TGFA: variants seen among roughly 807,000 people sequenced by gnomAD.
TGFA encodes the protein protransforming growth factor alpha.
TGFA carries 12 observed loss-of-function variants against 21.7 expected under a neutral mutation model. The observed-to-expected ratio is 0.55, with a 90% CI of 0.35 to 0.90. TGFA has a LOEUF of 0.90. Among genes scored for constraint, TGFA ranks in the 40% least tolerant of loss-of-function variants. TGFA has a pLI of 0.01. For synonymous variants in TGFA, 79 were observed against 88.1 expected, an observed-to-expected ratio of 0.90 and a Z score of 0.58; for missense variants, 178 against 210.8, an observed-to-expected ratio of 0.84 and a Z score of 0.96.
At chr2:70,518,563 G>A (rs1285150416) in intron 1 of TGFA, among the ~76,000 whole-genome samples, 4 of 152,176 alleles carry the variant, frequency 2.6e-5, no homozygotes, top group Non-Finnish European at 4.4e-5. Flanking sequence ...TGTGTCAATG[G>A]GAAATGCTCT....
Position 70,456,494 on chromosome 2 carries a change from G to A in TGFA, c.216-6C>T, listed in dbSNP as rs1553490582. ...CAACGTACCCAGAATGGCAGCTGGG[G>A]AAGAAAGGAACGTCAGTGCACTCTC... On this transcript the variant is annotated splice_polypyrimidine_tract_variant and splice_region_variant and intron_variant, in intron 3 of 5. Coordinates refer to ENST00000295400, the MANE Select transcript of TGFA (RefSeq NM_003236.4). The A allele has an allele frequency of 1.2e-6, 2 of 1,601,948 alleles. No homozygotes were observed. The highest frequency in any genetic ancestry group is 2.3e-5 in the East Asian group (1 of 44,144).
chr2:70,529,599 C>CAA (rs1672754593), intron 1 of TGFA, among the ~76,000 whole-genome samples: 1 of 151,454 alleles, frequency 6.6e-6, no homozygotes, highest in South Asian at 2.1e-4. Flanking sequence ...CCCCCCGCCC[C>CAA]AGTCCTAGAA....
At chr2:70,501,012 C>G (rs552855743) in intron 2 of TGFA, among the ~76,000 whole-genome samples, 2 of 150,062 alleles carry the variant, frequency 1.3e-5, no homozygotes, top group Non-Finnish European at 3.0e-5. Flanking sequence ...TTATGGAGCT[C>G]TTTCTCTGTT....
chr2:70,486,510 C>T (rs1671275146), intron 2 of TGFA, among the ~76,000 whole-genome samples: 1 of 152,052 alleles, frequency 6.6e-6, no homozygotes, highest in Admixed American at 6.5e-5. Context: ...CAGGGTCTCA[C>T]TTTGTTGTTC....
At chr2:70,476,385 T>C (rs1574084942) in intron 2 of TGFA, among the ~76,000 whole-genome samples, 1 of 152,360 alleles carries the variant, frequency 6.6e-6, no homozygotes, top group East Asian at 1.9e-4. Context: ...CTCTGGGAAC[T>C]GGAGCCCAGT....
chr2:70,459,472 A>G lies in TGFA; in HGVS notation c.216-2984T>C, dbSNP rs1007489773. On this transcript the variant is annotated intron_variant, in intron 3 of 5. Coordinates refer to ENST00000295400, the MANE Select transcript of TGFA (RefSeq NM_003236.4). ...AGGCTACCTTTCTGGGTTAATGCAG[A>G]CTGGTTTGGAAGATACCCTGGGCTA... Among the ~76,000 whole-genome samples the G allele has an allele frequency of 2.0e-5, 3 of 152,202 alleles. No individual in the cohort carries two copies. The South Asian group carries it at 6.2e-4, about 32-fold the overall frequency.
At chr2:70,492,815 A>T (rs1163831280) in intron 2 of TGFA, among the ~76,000 whole-genome samples, 1 of 152,134 alleles carries the variant, frequency 6.6e-6, no homozygotes, top group East Asian at 1.9e-4. Context: ...TTAATCACCA[A>T]TTGTGCTTCA....
chr2:70,503,025 A>C (rs183355420), intron 2 of TGFA, among the ~76,000 whole-genome samples: 6 of 152,314 alleles, frequency 3.9e-5, no homozygotes, highest in Admixed American at 6.5e-5. Context: ...GGAATTCCTC[A>C]GGGATCTAGA....
intron 1 of TGFA, among the ~76,000 whole-genome samples, chr2:70,519,911 T>C (rs142458141): frequency 0.01 from 1,529 of 152,358 alleles, 22 homozygotes; most frequent in South Asian, 0.028. Flanking sequence ...CCATCAGGCC[T>C]GGGTGCAAAT....
intron 2 of TGFA, 99 bp from the exon 3 acceptor site, chr2:70,465,835 G>A: frequency 1.3e-6 from 2 of 1,536,850 alleles, no homozygotes; most frequent in South Asian, 2.5e-5. Context: ...GCCCCTGATG[G>A]CTGGGACTTT....
intron 3 of TGFA, among the ~76,000 whole-genome samples, chr2:70,464,582 C>T (rs1023988803): frequency 2.0e-5 from 3 of 152,166 alleles, no homozygotes; most frequent in Admixed American, 2.0e-4. Flanking sequence ...CGCTGACTTC[C>T]TTCAGTATAC....
intron 3 of TGFA, 64 bp downstream of exon 3, chr2:70,465,552 C>T: frequency 6.3e-7 from 1 of 1,599,292 alleles, no homozygotes; most frequent in Non-Finnish European, 8.5e-7. Flanking sequence ...GAGGTAAATG[C>T]TCTTCTAATT....
chr2:70,541,998 C>T (rs1053543229), intron 1 of TGFA, among the ~76,000 whole-genome samples: 4 of 152,222 alleles, frequency 2.6e-5, no homozygotes, highest in South Asian at 2.1e-4. Context: ...GAAACCATCC[C>T]GAGGTGAGAA....
intron 4 of TGFA, 61 bp from the exon 5 acceptor site, chr2:70,453,388 A>C: frequency 6.7e-7 from 1 of 1,496,752 alleles, no homozygotes; most frequent in South Asian, 1.1e-5. Flanking sequence ...AGGGTGGTAC[A>C]GCATCTGCCC....
chr2:70,480,820 C>T (rs896174053), intron 2 of TGFA, among the ~76,000 whole-genome samples: 2 of 150,752 alleles, frequency 1.3e-5, no homozygotes, highest in African/African-American at 4.9e-5. Context: ...ACCCCCCTCC[C>T]TCTCTCCAAG....
intron 2 of TGFA, among the ~76,000 whole-genome samples, chr2:70,510,281 T>C (rs1291106557): frequency 6.6e-6 from 1 of 152,176 alleles, no homozygotes; most frequent in Non-Finnish European, 1.5e-5. Flanking sequence ...AAGCATCTAG[T>C]TCCAAGAAAA....
intron 2 of TGFA, among the ~76,000 whole-genome samples, chr2:70,490,462 C>A (rs898609188): frequency 6.6e-6 from 1 of 152,166 alleles, no homozygotes; most frequent in Non-Finnish European, 1.5e-5. Flanking sequence ...AAATTTCAGT[C>A]GGATAATGCG....
At chr2:70,498,081 G>A (rs182832650) in intron 2 of TGFA, among the ~76,000 whole-genome samples, 105 of 152,354 alleles carry the variant, frequency 6.9e-4, no homozygotes, top group African/African-American at 2.3e-3. Context: ...CATTCCAAGA[G>A]CTTGTTTGTA....
intron 3 of TGFA, among the ~76,000 whole-genome samples, chr2:70,461,197 C>T (rs1553491429): frequency 6.6e-6 from 1 of 152,222 alleles, no homozygotes; most frequent in African/African-American, 2.4e-5. Flanking sequence ...CCATCCATGC[C>T]TTTAACTGTG....
Sources: gnomAD v4.1 joint callset for allele counts (sites outside exome capture counted in the v4.1 genomes callset) on GRCh38, gnomAD v4.1.1 for gene constraint, MANE v1.5 for transcripts, NCBI Gene and HGNC (gene_info 2026-07-23, HGNC 2026-07-21) for gene names.